The following AGTR1 variants were observed in gnomAD, a reference collection of about 807,000 sequenced individuals.
AGTR1 encodes type-1 angiotensin II receptor.
Under a neutral mutation model 19.4 loss-of-function variants are expected in AGTR1, and 16 were observed. The ratio of observed to expected loss-of-function variants is 0.82; its 90% CI spans 0.56 to 1.25. The LOEUF (loss-of-function observed/expected upper bound fraction) is 1.25. AGTR1 is among the 50% of genes most tolerant of loss of function. The pLI, the probability that AGTR1 is intolerant of heterozygous loss-of-function variation, is 0.00. For missense variants in AGTR1, 373 were observed against 431.9 expected, an observed-to-expected ratio of 0.86 and a Z score of 1.21; for synonymous variants, 153 against 154.9, an observed-to-expected ratio of 0.99 and a Z score of 0.09.
At position 148,697,992 on chromosome 3, in the gene AGTR1, G is replaced by C. The variant is rs1712064430; in HGVS notation, c.-267G>C. Reference sequence around the variant, plus strand: ...CCGCTAGCAGCTCTGCCGGGCCGCGGCGGTGATCGATGGGGAGCGGCTGGA... The same window carrying C: ...CCGCTAGCAGCTCTGCCGGGCCGCGCCGGTGATCGATGGGGAGCGGCTGGA... On this transcript the variant is annotated 5_prime_UTR_variant, in exon 1 of 3. Transcript: ENST00000349243. 6.6e-6 allele frequency: 1 copy of C among 152,312 alleles called. No individual in the cohort carries two copies. The highest frequency in any genetic ancestry group is 2.1e-4 in the South Asian group (1 of 4,836). The allele number at this position is 152,312 out of a possible 1,614,324, so 9.4% of individuals were successfully genotyped here.
intron 1 of AGTR1, among the ~76,000 whole-genome samples, chr3:148,705,439 C>CTT (rs1553758105): frequency 6.6e-6 from 1 of 151,512 alleles, no homozygotes; most frequent in Non-Finnish European, 1.5e-5. Context: ...TAATCTAACT[C>CTT]TCCCATTCAA....
At chr3:148,738,804 T>C (rs1191412784) in intron 2 of AGTR1, among the ~76,000 whole-genome samples, 1 of 152,232 alleles carries the variant, frequency 6.6e-6, no homozygotes, top group Admixed American at 6.5e-5. Flanking sequence ...TCTGTGAAAC[T>C]CTGCAAGGAG....
chr3:148,703,791 T>C (rs1169381868), intron 1 of AGTR1, among the ~76,000 whole-genome samples: 1 of 151,456 alleles, frequency 6.6e-6, no homozygotes, highest in East Asian at 1.9e-4. Context: ...TATTTAAAGT[T>C]TTAATTTGAG....
intron 1 of AGTR1, among the ~76,000 whole-genome samples, chr3:148,705,795 A>G (rs901188957): frequency 3.3e-5 from 5 of 151,840 alleles, no homozygotes; most frequent in Admixed American, 6.6e-5. Flanking sequence ...TGTATAACAT[A>G]TGAATCGTAA....
At chr3:148,738,078 GT>G (rs1714669123) in intron 2 of AGTR1, among the ~76,000 whole-genome samples, 1 of 152,122 alleles carries the variant, frequency 6.6e-6, no homozygotes, top group Admixed American at 6.6e-5. Flanking sequence ...TTTGAGACTA[GT>G]TAATAAAATT....
At chr3:148,700,312 C>T (rs538682965) in intron 1 of AGTR1, among the ~76,000 whole-genome samples, 4 of 152,272 alleles carry the variant, frequency 2.6e-5, no homozygotes, top group East Asian at 3.9e-4. Flanking sequence ...CTGCTACTTA[C>T]CCAAAGCCCA....
intron 1 of AGTR1, among the ~76,000 whole-genome samples, chr3:148,701,658 T>C (rs756353669): frequency 6.6e-6 from 1 of 152,218 alleles, no homozygotes; most frequent in Non-Finnish European, 1.5e-5. Context: ...TATTGTGTTG[T>C]TAATCTCACA....
At chr3:148,721,894 C>T (rs1713659226) in intron 2 of AGTR1, among the ~76,000 whole-genome samples, 1 of 152,156 alleles carries the variant, frequency 6.6e-6, no homozygotes. Flanking sequence ...AGTGGAAAGT[C>T]TCATAATTCA....
In AGTR1 at chr3:148,716,549, A is replaced by G. The variant is rs1713313690; in HGVS notation, c.-48+8522A>G. Among the ~76,000 whole-genome samples the G allele has an allele frequency of 6.6e-6, 1 of 152,216 alleles. No individual in the cohort carries two copies. The highest frequency in any genetic ancestry group is 2.1e-4 in the South Asian group (1 of 4,832). ...TCCCATAAAACCAGCCATGTAAGGA[A>G]CTAGAACATTTTGAGAATATGCAAT... On this transcript the variant is annotated intron_variant, in intron 2 of 2. Transcript: ENST00000349243. This position sits in a 1 kb window ranked among gnomAD's most constrained non-coding sequence, Gnocchi z 4.7.
At chr3:148,699,581 TAGTA>T (rs10593434) in intron 1 of AGTR1, among the ~76,000 whole-genome samples, 36,927 of 151,840 alleles carry the variant, frequency 0.24, 5,764 homozygotes, top group African/African-American at 0.45. Flanking sequence ...TGCTGTGTGA[TAGTA>T]AGAGCATTAT....
rs1714932602 is a variant in AGTR1 at position 148,741,963 on chromosome 3, A to T, written c.928A>T (p.Lys310Ter). 3 of 1,613,770 alleles carry T rather than the reference A, an allele frequency of 1.9e-6. No homozygotes were observed. Among genetic ancestry groups the T allele is most frequent in the African/African-American group, 1.3e-5 (1 of 74,888 alleles). ...TTATGGCTTTCTGGGGAAAAAATTT[A>T]AAAGATATTTTCTCCAGCTTCTAAA... The part of the protein sequence containing the change: ...LFYGFLGKKF[K>*]RYFLQLLKYI... The change falls in exon 3 of 3, where the codon AAA becomes TAA. Residue 310 changes from lysine (K) to a stop codon, truncating the protein, a stop_gained. Coordinates refer to ENST00000349243, the MANE Select transcript of AGTR1 (RefSeq NM_000685.5). LOFTEE classifies it high-confidence loss of function.
chr3:148,703,825 A>AT (rs113491746), intron 1 of AGTR1, among the ~76,000 whole-genome samples: 64,503 of 151,736 alleles, frequency 0.43, 15,479 homozygotes, highest in African/African-American at 0.67. Context: ...TCCCTCATAA[A>AT]TTTTTTTTAA....
intron 2 of AGTR1, among the ~76,000 whole-genome samples, chr3:148,713,912 T>G (rs1029723327): frequency 6.6e-6 from 1 of 152,220 alleles, no homozygotes; most frequent in Non-Finnish European, 1.5e-5. Flanking sequence ...ACACAGTTAT[T>G]TAACTGCCCA....
intron 2 of AGTR1, among the ~76,000 whole-genome samples, chr3:148,719,208 A>G (rs373681545): frequency 1.2e-3 from 177 of 152,332 alleles, no homozygotes; most frequent in African/African-American, 4.1e-3. Context: ...TCTGCAAGAA[A>G]AGGAAATTGC....
intron 1 of AGTR1, among the ~76,000 whole-genome samples, chr3:148,700,884 T>C (rs1712301208): frequency 6.6e-6 from 1 of 152,232 alleles, no homozygotes; most frequent in African/African-American, 2.4e-5. Flanking sequence ...CCTAAGATCA[T>C]TGGATTATGT....
intron 1 of AGTR1, among the ~76,000 whole-genome samples, chr3:148,704,689 G>A (rs2107927119): frequency 6.6e-6 from 1 of 152,314 alleles, no homozygotes. Context: ...TTCACCCAGT[G>A]CAGGTAGATT....
At chr3:148,724,741 T>C (rs1046561547) in intron 2 of AGTR1, among the ~76,000 whole-genome samples, 2 of 152,302 alleles carry the variant, frequency 1.3e-5, no homozygotes, top group African/African-American at 4.8e-5. Flanking sequence ...TGATAAGATA[T>C]AAAGAAACCA....
intron 2 of AGTR1, among the ~76,000 whole-genome samples, chr3:148,733,450 C>T (rs12721297): frequency 0.044 from 6,709 of 152,186 alleles, 163 homozygotes; most frequent in East Asian, 0.054. Flanking sequence ...AATAACTTTC[C>T]TCACACCCCT....
intron 2 of AGTR1, among the ~76,000 whole-genome samples, chr3:148,712,501 AG>A (rs1381724906): frequency 6.6e-6 from 1 of 152,166 alleles, no homozygotes; most frequent in East Asian, 1.9e-4. Flanking sequence ...AGATGAAACC[AG>A]TCAGGGGGTA....
Sources: gnomAD v4.1 joint callset for allele counts (sites outside exome capture counted in the v4.1 genomes callset) on GRCh38, gnomAD v4.1.1 for gene constraint, Gnocchi (gnomAD v3.1) non-coding constraint, MANE v1.5 for transcripts, NCBI Gene and HGNC (gene_info 2026-07-23, HGNC 2026-07-21) for gene names.